Variants in SCFD2 observed in about 807,000 individuals in gnomAD.
The protein encoded by SCFD2 is sec1 family domain-containing protein 2.
SCFD2 carries 54 observed loss-of-function variants against 58.9 expected under a neutral mutation model. The ratio of observed to expected loss-of-function variants is 0.92; its 90% confidence interval spans 0.74 to 1.15. The LOEUF (loss-of-function observed/expected upper bound fraction) is 1.15. SCFD2 is among the 50% of genes most tolerant of loss of function. The probability of loss-of-function intolerance (pLI) is 0.00; values close to 1 mark genes in which losing one functional copy is unlikely to be tolerated. For missense variants in SCFD2, 805 were observed against 836.6 expected (o/e 0.96, Z 0.47); for synonymous variants, 321 against 335.9 (o/e 0.96, Z 0.49).
chr4:53,121,489 G>C (rs1225449613), intron 5 of SCFD2, among the ~76,000 whole-genome samples: 1 of 152,212 alleles, frequency 6.6e-6, no homozygotes, highest in Non-Finnish European at 1.5e-5. Context: ...CTCCAGAACA[G>C]CTAGGGCTTG....
intron 5 of SCFD2, among the ~76,000 whole-genome samples, chr4:53,125,349 T>C (rs181748172): frequency 4.6e-4 from 70 of 152,236 alleles, no homozygotes; most frequent in Non-Finnish European, 1.3e-4. Context: ...CAGCATATTA[T>C]AACACGTCAG....
intron 4 of SCFD2, among the ~76,000 whole-genome samples, chr4:53,206,135 C>T (rs1363994078): frequency 6.6e-6 from 1 of 152,036 alleles, no homozygotes; most frequent in Non-Finnish European, 1.5e-5. Context: ...GTCCACAAAT[C>T]ACTACACAAG....
At chr4:53,210,508 GGA>G (rs1271729402) in intron 4 of SCFD2, among the ~76,000 whole-genome samples, 1 of 152,032 alleles carries the variant, frequency 6.6e-6, no homozygotes, top group East Asian at 1.9e-4. Flanking sequence ...GAATGCAGAA[GGA>G]GAGACGAGAA....
At chr4:53,283,051 C>G (rs1487973407) in intron 3 of SCFD2, among the ~76,000 whole-genome samples, 1 of 152,178 alleles carries the variant, frequency 6.6e-6, no homozygotes, top group Non-Finnish European at 1.5e-5. Context: ...ACATAAAGCA[C>G]ATGAATCTTA....
chr4:53,060,720 GTTGTTTTTGAAAGTATAATTAAAAAAA>G (rs574562166), intron 5 of SCFD2, among the ~76,000 whole-genome samples: 118 of 151,992 alleles, frequency 7.8e-4, no homozygotes, highest in African/African-American at 2.7e-3. Flanking sequence ...ATGTACTTTT[GTTGTTTTTGAAAGTATAATTAAAAAAA>G]TATAAAGATA....
rs116392284 is a variant in SCFD2, at chr4:53,353,377, G to A, written c.839-611C>T. On this transcript the variant is annotated intron_variant, in intron 1 of 8. Transcript: ENST00000401642. ...TGTTACAGCTCATAAAGGCATGCAC[G>A]GACCCAAACAGTGAGTAGCAGCAAT... Among the ~76,000 whole-genome samples, 890 of 152,260 alleles carry A rather than the reference G, an allele frequency of 5.8e-3. 10 individuals carry two copies. The highest frequency in any genetic ancestry group is 0.02 in the African/African-American group (840 of 41,550).
chr4:53,036,449 T>C (rs1722761143), intron 5 of SCFD2, among the ~76,000 whole-genome samples: 1 of 151,378 alleles, frequency 6.6e-6, no homozygotes, highest in African/African-American at 2.4e-5. Context: ...AACGCAAATG[T>C]CCATCAATAG....
chr4:53,246,758 T>G (rs757190939), intron 4 of SCFD2, among the ~76,000 whole-genome samples: 2 of 152,028 alleles, frequency 1.3e-5, no homozygotes, highest in Non-Finnish European at 2.9e-5. Context: ...GAAGATAACC[T>G]AGGTAACATC....
intron 5 of SCFD2, among the ~76,000 whole-genome samples, chr4:53,078,819 G>T (rs1284507240): frequency 2.0e-5 from 3 of 152,114 alleles, no homozygotes; most frequent in Non-Finnish European, 4.4e-5. Flanking sequence ...TCTATTAAAT[G>T]GTTATGTCTT....
At chr4:53,050,376 T>A (rs553563005) in intron 5 of SCFD2, among the ~76,000 whole-genome samples, 1 of 152,292 alleles carries the variant, frequency 6.6e-6, no homozygotes, top group Admixed American at 6.5e-5. Context: ...GCTAAATAGC[T>A]GTCGTGATTA....
chr4:53,252,502 A>G (rs2149041587), intron 4 of SCFD2, among the ~76,000 whole-genome samples: 1 of 150,912 alleles, frequency 6.6e-6, no homozygotes, highest in East Asian at 1.9e-4. Context: ...AGGCTACAGT[A>G]ACCAAAACAG....
At chr4:52,940,450 A>G (rs1463014938) in intron 5 of SCFD2, among the ~76,000 whole-genome samples, 1 of 152,232 alleles carries the variant, frequency 6.6e-6, no homozygotes, top group Non-Finnish European at 1.5e-5. Context: ...CTAGAGAGAC[A>G]AGTAAGTCCC....
chr4:53,079,557 ATTACTC>A (rs1461586257), intron 5 of SCFD2, among the ~76,000 whole-genome samples: 2 of 152,214 alleles, frequency 1.3e-5, no homozygotes. Context: ...ATATTCTGCA[ATTACTC>A]TATGTGTGCT....
chr4:53,273,804 C>A (rs771362377), intron 4 of SCFD2, 22 bp downstream of exon 4: 14 of 1,586,640 alleles, frequency 8.8e-6, no homozygotes, highest in Admixed American at 1.8e-5. Context: ...TAAGATCCCA[C>A]GAGGTTCCCA....
intron 4 of SCFD2, among the ~76,000 whole-genome samples, chr4:53,166,832 CA>C (rs34996788): frequency 0.18 from 21,924 of 118,758 alleles, 1,960 homozygotes; most frequent in Admixed American, 0.27. Context: ...AAATGCCCAC[CA>C]AAAAAAAAAA....
At chr4:53,134,780 C>T (rs1031941718) in intron 5 of SCFD2, among the ~76,000 whole-genome samples, 7 of 152,196 alleles carry the variant, frequency 4.6e-5, no homozygotes, top group African/African-American at 1.7e-4. Context: ...ACCTAGAGCT[C>T]AATTAGTGCA....
intron 3 of SCFD2, among the ~76,000 whole-genome samples, chr4:53,301,025 T>A (rs967269240): frequency 5.9e-5 from 9 of 151,956 alleles, no homozygotes; most frequent in Admixed American, 4.6e-4. Flanking sequence ...CACTCTAACA[T>A]CACAATTAAA....
intron 5 of SCFD2, among the ~76,000 whole-genome samples, chr4:53,062,032 T>C (rs560248211): frequency 4.6e-5 from 7 of 151,944 alleles, no homozygotes; most frequent in African/African-American, 1.7e-4. Flanking sequence ...ACTTAAAATA[T>C]ATATAATTAT....
intron 4 of SCFD2, among the ~76,000 whole-genome samples, chr4:53,171,139 A>C (rs138844075): frequency 2.0e-3 from 309 of 152,290 alleles, no homozygotes; most frequent in African/African-American, 7.1e-3. Context: ...TTCACCACTG[A>C]GTAAAATGTT....
Sources: gnomAD v4.1 joint callset for allele counts (sites outside exome capture counted in the v4.1 genomes callset) on GRCh38, gnomAD v4.1.1 for gene constraint, MANE v1.5 for transcripts, NCBI Gene and HGNC (gene_info 2026-07-23, HGNC 2026-07-21) for gene names.